The following PPP1R42 variants were observed in gnomAD, a reference collection of about 807,000 sequenced individuals.
PPP1R42 encodes protein phosphatase 1 regulatory subunit 42, also known as leucine rich repeat containing 67.
A neutral mutation model predicts 31.0 loss-of-function variants in PPP1R42; 34 were observed. The ratio of observed to expected loss-of-function variants is 1.10; its 90% CI spans 0.83 to 1.46. PPP1R42 has a LOEUF of 1.46. Ranked by LOEUF, PPP1R42 falls within the 40% of genes most tolerant of loss-of-function variation. The pLI is 0.00. For missense variants in PPP1R42, 268 were observed against 303.0 expected (o/e 0.88, Z 0.86); for synonymous variants, 103 against 109.8 (o/e 0.94, Z 0.39).
rs1298630756 is a variant in PPP1R42, at chr8:66,988,410, G to C, written c.660C>G (p.Ser220=). 2 of 1,547,144 alleles carry C rather than the reference G, an allele frequency of 1.3e-6. No individual in the cohort carries two copies. Among genetic ancestry groups the C allele is most frequent in the Non-Finnish European group, 1.7e-6 (2 of 1,146,242 alleles). Residue 220 remains serine, a synonymous_variant, in exon 6 of 8, where the codon TCC becomes TCG. Transcript: ENST00000685739. ...PKYRDRLILV[S]KSLEFLDGKE... ...AATATAAATATGTACCCAGTGATTT[G>C]GACACCAATATCAGTCTGTCCCTGT...
intron 1 of PPP1R42, chr8:67,021,411 G>A (rs748730276): frequency 1.6e-4 from 24 of 152,024 alleles, no homozygotes; most frequent in Non-Finnish European, 2.2e-4. Flanking sequence ...TAAAATCTTC[G>A]TAGATTTTTG....
At chr8:66,986,756 G>A (rs1318510962) in intron 6 of PPP1R42, among the ~76,000 whole-genome samples, 2 of 152,228 alleles carry the variant, frequency 1.3e-5, no homozygotes, top group Non-Finnish European at 2.9e-5. Context: ...CTAGAACGAA[G>A]AGTGAGGCTT....
intron 2 of PPP1R42, among the ~76,000 whole-genome samples, chr8:67,016,013 A>G (rs181156510): frequency 7.9e-5 from 12 of 152,334 alleles, no homozygotes; most frequent in Admixed American, 5.9e-4. Context: ...AGAGTATGAA[A>G]TAGGGGCTTT....
intron 6 of PPP1R42, 100 bp downstream of exon 6, chr8:66,988,300 C>T (rs531946475): frequency 7.8e-7 from 1 of 1,275,100 alleles, no homozygotes; most frequent in East Asian, 3.0e-5. Context: ...TTTCACAGAT[C>T]CAGATGTCAG....
intron 6 of PPP1R42, chr8:66,985,325 C>A: frequency 1.2e-6 from 1 of 806,622 alleles, no homozygotes; most frequent in Non-Finnish European, 2.2e-6. Flanking sequence ...CTTCTGATGG[C>A]TTTTCTTTTA....
intron 5 of PPP1R42, among the ~76,000 whole-genome samples, chr8:67,004,022 G>A (rs1453380910): frequency 5.9e-5 from 9 of 151,998 alleles, no homozygotes; most frequent in Non-Finnish European, 1.2e-4. Flanking sequence ...CCTGGGAGGT[G>A]GAGCTGGCAG....
At chr8:66,984,838 T>C in intron 6 of PPP1R42, 1 of 1,596,130 alleles carries the variant, frequency 6.3e-7, no homozygotes, top group Non-Finnish European at 8.6e-7. Flanking sequence ...CAGCCTGACT[T>C]TTTCTAGTAG....
intron 5 of PPP1R42, among the ~76,000 whole-genome samples, chr8:67,001,585 A>G (rs749273249): frequency 6.6e-6 from 1 of 151,904 alleles, no homozygotes; most frequent in Non-Finnish European, 1.5e-5. Context: ...TAGTTGTAAA[A>G]ATCTTCGACT....
chr8:66,985,279 G>T, intron 6 of PPP1R42: 1 of 935,674 alleles, frequency 1.1e-6, no homozygotes, highest in East Asian at 2.4e-5. Flanking sequence ...AGCGACAGTG[G>T]AGACTCGGGG....
chr8:67,028,455 C>G, intron 1 of PPP1R42, 36 bp downstream of exon 1: 1 of 984,314 alleles, frequency 1.0e-6, no homozygotes, highest in Non-Finnish European at 1.2e-6. Flanking sequence ...CTAGGGTTTC[C>G]TCGGTCCCCA....
At chr8:66,972,277 G>A (rs187282521) in intron 7 of PPP1R42, among the ~76,000 whole-genome samples, 3 of 152,308 alleles carry the variant, frequency 2.0e-5, no homozygotes, top group African/African-American at 4.8e-5. Flanking sequence ...AAAGGGGAGG[G>A]AGGACCTACA....
At chr8:67,010,951 G>T in intron 4 of PPP1R42, 120 bp from the exon 5 acceptor site, 1 of 879,998 alleles carries the variant, frequency 1.1e-6, no homozygotes, top group Non-Finnish European at 1.6e-6. Flanking sequence ...TGTTCTTTAG[G>T]CAAAAACATC....
intron 1 of PPP1R42, among the ~76,000 whole-genome samples, chr8:67,023,380 G>C (rs963013658): frequency 6.6e-6 from 1 of 152,164 alleles, no homozygotes; most frequent in African/African-American, 2.4e-5. Flanking sequence ...AAACCGTTGG[G>C]ATTGCAGGCA....
chr8:67,006,311 C>T (rs1368521745), intron 5 of PPP1R42, among the ~76,000 whole-genome samples: 1 of 152,134 alleles, frequency 6.6e-6, no homozygotes, highest in Non-Finnish European at 1.5e-5. Flanking sequence ...TTAATTCCTT[C>T]ATAGCACTTT....
intron 1 of PPP1R42, among the ~76,000 whole-genome samples, chr8:67,021,022 A>G (rs1816200672): frequency 6.6e-6 from 1 of 152,228 alleles, no homozygotes; most frequent in African/African-American, 2.4e-5. Context: ...TTGCCCAGGA[A>G]GTATAGCTAT....
chr8:66,986,446 G>A (rs1431422700), intron 6 of PPP1R42, among the ~76,000 whole-genome samples: 1 of 152,136 alleles, frequency 6.6e-6, no homozygotes, highest in Non-Finnish European at 1.5e-5. Flanking sequence ...ACCGGAACCA[G>A]AAACCTTCTG....
At chr8:66,972,608 G>T (rs762368545) in intron 7 of PPP1R42, among the ~76,000 whole-genome samples, 1 of 152,030 alleles carries the variant, frequency 6.6e-6, no homozygotes, top group Middle Eastern at 3.4e-3. Flanking sequence ...CAGGCTGGTC[G>T]TGAACTCCTG....
At position 66,981,753 on chromosome 8, in the gene PPP1R42, T is replaced by G. The variant is rs1814846539; in HGVS notation, c.802+296A>C. Reference sequence around the variant, plus strand: ...ATTTACATAGCTGATATCATGCACTTTTGCCAGGTATACAATTATACATTT... The same window carrying G: ...ATTTACATAGCTGATATCATGCACTGTTGCCAGGTATACAATTATACATTT... On this transcript the variant is annotated intron_variant, in intron 7 of 7. Coordinates refer to ENST00000685739, the MANE Select transcript of PPP1R42 (RefSeq NM_001364910.1). 4.6e-5 allele frequency among the ~76,000 whole-genome samples: 7 copies of G among 152,266 alleles called. No homozygotes were observed. The South Asian group carries it at 1.5e-3, about 32-fold the overall frequency.
At chr8:67,002,209 T>C (rs552582167) in intron 5 of PPP1R42, among the ~76,000 whole-genome samples, 1 of 152,358 alleles carries the variant, frequency 6.6e-6, no homozygotes, top group East Asian at 1.9e-4. Context: ...TGTCTATATA[T>C]ATTTTTTTAC....
Sources: allele counts gnomAD v4.1 joint callset (sites outside exome capture counted in the v4.1 genomes callset), GRCh38; gene constraint gnomAD v4.1.1; transcripts MANE v1.5; gene names NCBI Gene and HGNC (gene_info 2026-07-23, HGNC 2026-07-21).